NBAS: variants seen among roughly 807,000 people sequenced by gnomAD.
The protein encoded by NBAS is NAG/BC035112 fusion.
In NBAS, 219 loss-of-function variants were observed where a neutral mutation model predicts 302.5. The observed-to-expected ratio is 0.72, with a 90% confidence interval of 0.65 to 0.81. NBAS has a LOEUF of 0.81. Ranked by LOEUF, NBAS falls within the 30% of genes least tolerant of loss-of-function variation. NBAS has a pLI of 0.00. For synonymous variants in NBAS, 1,118 were observed against 1,021.6 expected (o/e 1.09, Z -1.80); for missense variants, 2,932 against 2,841.6 (o/e 1.03, Z -0.72).
At chr2:15,508,793 C>G (rs769684697) in intron 10 of NBAS, among the ~76,000 whole-genome samples, 11 of 152,150 alleles carry the variant, frequency 7.2e-5, no homozygotes, top group Non-Finnish European at 1.5e-4. Flanking sequence ...CACCTAAGGT[C>G]AGGAGTTCAA....
At position 15,511,211 on chromosome 2, in the gene NBAS, C is replaced by T; in HGVS notation, c.885+1G>A. ...AGTGAAGTGCCATAACTCATACTTA[C>T]TGCAGTAACCCCGTCTCCACCATTA... On this transcript the variant is annotated splice_donor_variant, in intron 10 of 51. Transcript: ENST00000281513. LOFTEE classifies it high-confidence loss of function. 6.2e-7 allele frequency: 1 copy of T among 1,614,060 alleles called. No homozygotes were observed. The highest frequency in any genetic ancestry group is 8.5e-7 in the Non-Finnish European group (1 of 1,179,956).
chr2:15,079,610 T>G, the NBAS span, among the ~76,000 whole-genome samples: 1 of 152,144 alleles, frequency 6.6e-6, no homozygotes, highest in South Asian at 2.1e-4. Context: ...TATGACACAC[T>G]CAATTCCTGA....
At chr2:15,273,494 G>A (rs904911596) in intron 44 of NBAS, among the ~76,000 whole-genome samples, 6 of 152,200 alleles carry the variant, frequency 3.9e-5, no homozygotes, top group African/African-American at 1.4e-4. Context: ...CAGTTCAATG[G>A]TTAAGAGAAA....
the NBAS span, among the ~76,000 whole-genome samples, chr2:15,128,750 G>A: frequency 3.6e-3 from 541 of 152,318 alleles, 1 homozygote; most frequent in Middle Eastern, 0.014. Flanking sequence ...ACATTGGAGA[G>A]GACTTTGAAG....
intron 21 of NBAS, among the ~76,000 whole-genome samples, chr2:15,447,585 A>G (rs1015011951): frequency 3.3e-5 from 5 of 152,292 alleles, no homozygotes; most frequent in African/African-American, 1.2e-4. Context: ...AAATTCATCA[A>G]GTTGCACATT....
chr2:15,119,338 T>C, the NBAS span, among the ~76,000 whole-genome samples: 1,817 of 148,032 alleles, frequency 0.012, 31 homozygotes, highest in African/African-American at 0.016. Flanking sequence ...AGACAGAGTC[T>C]TGCACTGTCG....
the NBAS span, among the ~76,000 whole-genome samples, chr2:14,879,689 G>C: frequency 1.3e-5 from 2 of 152,102 alleles, no homozygotes; most frequent in Non-Finnish European, 2.9e-5. Flanking sequence ...ACAGCTTATA[G>C]CATGCCTACA....
intron 25 of NBAS, among the ~76,000 whole-genome samples, chr2:15,406,103 T>TAAAAAAAAAAAAAAAAAAAAAAAAAAAA (rs71400653): frequency 8.7e-6 from 1 of 115,056 alleles, no homozygotes; most frequent in Non-Finnish European, 1.8e-5. Flanking sequence ...CAATAACATG[T>TAAAAAAAAAAAAAAAAAAAAAAAAAAAA]AAAAAAAAAA....
the NBAS span, among the ~76,000 whole-genome samples, chr2:14,780,392 G>T: frequency 6.6e-6 from 1 of 152,216 alleles, no homozygotes; most frequent in South Asian, 2.1e-4. Context: ...CTGCATTCCT[G>T]CAGGAAATGA....
At chr2:15,499,394 T>C (rs1681196499) in intron 11 of NBAS, among the ~76,000 whole-genome samples, 1 of 152,114 alleles carries the variant, frequency 6.6e-6, no homozygotes, top group South Asian at 2.1e-4. Context: ...ATAAAGAAAA[T>C]GTGTTACATA....
the NBAS span, among the ~76,000 whole-genome samples, chr2:14,978,399 A>G: frequency 2.6e-4 from 40 of 152,334 alleles, no homozygotes; most frequent in African/African-American, 4.3e-4. Context: ...GATCCTGCCT[A>G]GTGAAGCTTA....
At chr2:15,365,277 A>G (rs893484686) in intron 32 of NBAS, among the ~76,000 whole-genome samples, 1 of 152,210 alleles carries the variant, frequency 6.6e-6, no homozygotes, top group African/African-American at 2.4e-5. Context: ...AAAAGAGGAA[A>G]CAAATCCTAG....
intron 9 of NBAS, among the ~76,000 whole-genome samples, chr2:15,529,635 A>C (rs1663121578): frequency 6.6e-6 from 1 of 152,204 alleles, no homozygotes; most frequent in African/African-American, 2.4e-5. Flanking sequence ...ACAGAAATCA[A>C]ACTAGCAATC....
chr2:15,049,173 G>A, the NBAS span, among the ~76,000 whole-genome samples: 12 of 152,178 alleles, frequency 7.9e-5, no homozygotes, highest in South Asian at 8.3e-4. Context: ...ACTCAAGGCC[G>A]GCAGCTGCGA....
rs577592238 is a variant in NBAS, at chr2:15,428,263, A to G, written c.2340-469T>C. ...CTCACTGGTTATAAGCACTTAAAAT[A>G]TGGTTACTGACATGAGGAAAGTGAT... On this transcript the variant is annotated intron_variant, in intron 21 of 51. Coordinates refer to ENST00000281513, the MANE Select transcript of NBAS (RefSeq NM_015909.4). Among the ~76,000 whole-genome samples the G allele has an allele frequency of 1.3e-4, 20 of 152,326 alleles. No individual in the cohort carries two copies. The East Asian group carries it at 3.7e-3, about 28-fold the overall frequency.
chr2:15,421,332 A>G (rs531452495), intron 23 of NBAS, among the ~76,000 whole-genome samples: 12 of 152,270 alleles, frequency 7.9e-5, no homozygotes, highest in African/African-American at 2.4e-4. Context: ...GCCTTCCCAA[A>G]TACTTACTAA....
the NBAS span, among the ~76,000 whole-genome samples, chr2:14,931,611 C>G: frequency 6.6e-5 from 10 of 152,220 alleles, no homozygotes; most frequent in Non-Finnish European, 1.0e-4. Flanking sequence ...ATAACAGCAA[C>G]TGAACACAAA....
chr2:15,315,742 T>A (rs1017480588), intron 38 of NBAS, among the ~76,000 whole-genome samples: 4 of 152,186 alleles, frequency 2.6e-5, no homozygotes, highest in Non-Finnish European at 5.9e-5. Context: ...TGAAGTTATC[T>A]CATGACTTTT....
At chr2:15,475,604 T>G in intron 14 of NBAS, 83 bp downstream of exon 14, 1 of 1,305,098 alleles carries the variant, frequency 7.7e-7, no homozygotes, top group Non-Finnish European at 1.1e-6. Context: ...GAAAAGATAA[T>G]AAGACAACTC....
Sources: gnomAD v4.1 joint callset for allele counts (sites outside exome capture counted in the v4.1 genomes callset) on GRCh38, gnomAD v4.1.1 for gene constraint, MANE v1.5 for transcripts, NCBI Gene and HGNC (gene_info 2026-07-23, HGNC 2026-07-21) for gene names.